The following PALM2AKAP2 variants were observed in gnomAD, a reference collection of about 807,000 sequenced individuals.
PALM2AKAP2 encodes PALM2 and AKAP2 fusion, also known as PALM2-AKAP2 fusion protein.
Under a neutral mutation model 71.5 loss-of-function variants are expected in PALM2AKAP2, and 37 were observed. The observed-to-expected ratio is 0.52, with a 90% CI of 0.40 to 0.68. PALM2AKAP2 has a LOEUF of 0.68. PALM2AKAP2 is among the 30% of genes least tolerant of loss of function. PALM2AKAP2 has a pLI of 0.00. For synonymous variants in PALM2AKAP2, 468 were observed against 478.8 expected (o/e 0.98, Z 0.29); for missense variants, 1,224 against 1,191.8 (o/e 1.03, Z -0.40).
At chr9:109,875,292 T>A (rs1381407206) in intron 2 of PALM2AKAP2, among the ~76,000 whole-genome samples, 1 of 152,220 alleles carries the variant, frequency 6.6e-6, no homozygotes, top group South Asian at 2.1e-4. Flanking sequence ...CCACTTTAAA[T>A]GTCCTCCCCT....
chr9:110,043,714 G>GTTTTTTTTTT (rs71492869), upstream of PALM2AKAP2, among the ~76,000 whole-genome samples: 13 of 98,384 alleles, frequency 1.3e-4, no homozygotes, highest in East Asian at 5.6e-4. Context: ...GTTTTTTTTG[G>GTTTTTTTTTT]TGTTTTTTTT....
At chr9:110,076,662 A>G (rs918733545) in intron 1 of PALM2AKAP2, among the ~76,000 whole-genome samples, 5 of 151,894 alleles carry the variant, frequency 3.3e-5, no homozygotes, top group Non-Finnish European at 5.9e-5. Flanking sequence ...TTTTTCAGTT[A>G]TCTGTAATAT....
intron 1 of PALM2AKAP2, among the ~76,000 whole-genome samples, chr9:109,683,045 C>T (rs1037376041): frequency 2.6e-5 from 4 of 152,102 alleles, no homozygotes; most frequent in Non-Finnish European, 4.4e-5. Flanking sequence ...TGAGTGAGTT[C>T]TTTCGAGATC....
chr9:109,864,878 G>T (rs1162770843), intron 1 of PALM2AKAP2, among the ~76,000 whole-genome samples: 1 of 151,978 alleles, frequency 6.6e-6, no homozygotes, highest in African/African-American at 2.4e-5. Context: ...ACATTGCATT[G>T]TCCATGCAAT....
At chr9:109,821,856 A>G (rs1828015570) in intron 1 of PALM2AKAP2, among the ~76,000 whole-genome samples, 1 of 152,234 alleles carries the variant, frequency 6.6e-6, no homozygotes, top group South Asian at 2.1e-4. Flanking sequence ...TTCTTGTGTC[A>G]AAAACATCAA....
At chr9:109,712,442 G>A (rs898424901) in intron 1 of PALM2AKAP2, among the ~76,000 whole-genome samples, 6 of 152,116 alleles carry the variant, frequency 3.9e-5, no homozygotes, top group South Asian at 4.1e-4. Flanking sequence ...ACGTTTTCCC[G>A]GTCTCCAGAA....
chr9:110,125,977 G>A (rs903256379), intron 1 of PALM2AKAP2, among the ~76,000 whole-genome samples: 2 of 152,054 alleles, frequency 1.3e-5, no homozygotes, highest in Non-Finnish European at 2.9e-5. Flanking sequence ...TGATTCTGTC[G>A]CCTCGTTTCT....
chr9:109,994,573 C>A (rs1832540201), intron 6 of PALM2AKAP2, among the ~76,000 whole-genome samples: 1 of 152,104 alleles, frequency 6.6e-6, no homozygotes, highest in Non-Finnish European at 1.5e-5. Context: ...CAAACCAACC[C>A]CCTCACCCCA....
rs573386012 is a variant in PALM2AKAP2 at position 109,672,510 on chromosome 9, C to T, written c.5+31644C>T. ...GCTGCTGGATTTGGATTGCCAGTAT[C>T]GTGTTGAGGATTTTTGCATTGATTT... On this transcript the variant is annotated intron_variant, in intron 1 of 6. Transcript: ENST00000374531. 1.8e-4 allele frequency among the ~76,000 whole-genome samples: 28 copies of T among 151,986 alleles called. No individual in the cohort carries two copies. The South Asian group carries it at 2.9e-3, about 16-fold the overall frequency.
intron 1 of PALM2AKAP2, among the ~76,000 whole-genome samples, chr9:109,727,968 T>C (rs1300041515): frequency 6.6e-6 from 1 of 152,160 alleles, no homozygotes; most frequent in Non-Finnish European, 1.5e-5. Flanking sequence ...AGAGAAAACC[T>C]CTTGGGCCTC....
chr9:110,098,767 G>C (rs766011266), intron 1 of PALM2AKAP2, among the ~76,000 whole-genome samples: 1 of 152,182 alleles, frequency 6.6e-6, no homozygotes, highest in Non-Finnish European at 1.5e-5. Context: ...GAATCGTGAC[G>C]TGACCTAAGG....
At chr9:109,858,252 C>A (rs1482620125) in intron 1 of PALM2AKAP2, among the ~76,000 whole-genome samples, 1 of 152,170 alleles carries the variant, frequency 6.6e-6, no homozygotes, top group Non-Finnish European at 1.5e-5. Context: ...ATGATAGTAC[C>A]TAACTCATTA....
intron 1 of PALM2AKAP2, among the ~76,000 whole-genome samples, chr9:109,802,850 C>G (rs1827470936): frequency 2.0e-5 from 3 of 152,138 alleles, no homozygotes; most frequent in African/African-American, 7.2e-5. Context: ...GGATCATTAG[C>G]CTTCTCTGCC....
At chr9:109,653,761 A>G (rs1827257933) in intron 1 of PALM2AKAP2, among the ~76,000 whole-genome samples, 1 of 152,202 alleles carries the variant, frequency 6.6e-6, no homozygotes, top group East Asian at 1.9e-4. Flanking sequence ...GTGCAAATAT[A>G]GAGCACAGGG....
chr9:109,844,609 C>A (rs568098346), intron 1 of PALM2AKAP2, among the ~76,000 whole-genome samples: 1 of 152,232 alleles, frequency 6.6e-6, no homozygotes, highest in South Asian at 2.1e-4. Context: ...TACAATGATT[C>A]CAAAATAAAA....
chr9:109,759,776 A>G (rs1401755477), intron 1 of PALM2AKAP2, among the ~76,000 whole-genome samples: 1 of 152,118 alleles, frequency 6.6e-6, no homozygotes, highest in African/African-American at 2.4e-5. Context: ...GTCTTTTATT[A>G]TAGTTAGTTA....
intron 1 of PALM2AKAP2, among the ~76,000 whole-genome samples, chr9:109,655,326 C>T (rs1159711118): frequency 1.3e-5 from 2 of 148,900 alleles, no homozygotes; most frequent in African/African-American, 4.9e-5. Context: ...AAAGATTGCT[C>T]AAGGGCAGCC....
At chr9:110,170,853 A>G (rs1265023207) in exon 4 of PALM2AKAP2, 1 of 152,368 alleles carries the variant, frequency 6.6e-6, no homozygotes, top group East Asian at 1.9e-4. Flanking sequence ...CTGAGAACCC[A>G]GCGATAAGGG....
exon 4 of PALM2AKAP2, chr9:110,168,544 AAC>A: frequency 6.3e-7 from 1 of 1,594,650 alleles, no homozygotes; most frequent in Non-Finnish European, 8.5e-7. Flanking sequence ...GAGACCAAGA[AAC>A]CAAGAAATTA....
Sources: gnomAD v4.1 joint callset for allele counts (sites outside exome capture counted in the v4.1 genomes callset) on GRCh38, gnomAD v4.1.1 for gene constraint, MANE v1.5 for transcripts, NCBI Gene and HGNC (gene_info 2026-07-23, HGNC 2026-07-21) for gene names.